Variants in GALNT17 observed in about 807,000 individuals in gnomAD.
The protein encoded by GALNT17 is polypeptide N-acetylgalactosaminyltransferase 17.
A neutral mutation model predicts 63.7 loss-of-function variants in GALNT17; 29 were observed. That is an observed-to-expected ratio of 0.46 (90% CI 0.34 to 0.62). GALNT17 has a LOEUF of 0.62. GALNT17 is among the 20% of genes least tolerant of loss of function. GALNT17 has a pLI of 0.01. For synonymous variants in GALNT17, 305 were observed against 318.3 expected, an observed-to-expected ratio of 0.96 and a Z score of 0.45; for missense variants, 603 against 799.6, an observed-to-expected ratio of 0.75 and a Z score of 2.97.
At chr7:71,299,198 C>T (rs1791145264) in intron 1 of GALNT17, among the ~76,000 whole-genome samples, 1 of 152,130 alleles carries the variant, frequency 6.6e-6, no homozygotes. Context: ...CAGCTGGTGG[C>T]CCGCCTTGAC....
chr7:71,152,566 C>T (rs975660635), intron 1 of GALNT17, among the ~76,000 whole-genome samples: 6 of 152,076 alleles, frequency 3.9e-5, no homozygotes, highest in South Asian at 4.2e-4. Context: ...TCCGCAGCCC[C>T]GGGGGATCCT....
At chr7:71,538,818 G>A (rs1026770029) in intron 5 of GALNT17, among the ~76,000 whole-genome samples, 1 of 151,954 alleles carries the variant, frequency 6.6e-6, no homozygotes, top group Non-Finnish European at 1.5e-5. Flanking sequence ...AAGGAGGGAA[G>A]GACGGACAGT....
rs1364871772 is a variant in GALNT17 at position 71,311,202 on chromosome 7, C to T, written c.239-24348C>T. ...GTTAACCCTACGTTTTCTCCCTTGG[C>T]GAGGTTGGGGATGAGGAAACACCTT... On this transcript the variant is annotated intron_variant, in intron 1 of 10. Coordinates refer to ENST00000333538, the MANE Select transcript of GALNT17 (RefSeq NM_022479.3). 3.9e-5 allele frequency among the ~76,000 whole-genome samples: 6 copies of T among 152,058 alleles called. No homozygotes were observed. The South Asian group carries it at 6.2e-4, about 16-fold the overall frequency.
intron 6 of GALNT17, among the ~76,000 whole-genome samples, chr7:71,575,127 A>G (rs1056836563): frequency 2.0e-5 from 3 of 152,190 alleles, no homozygotes; most frequent in African/African-American, 7.2e-5. Flanking sequence ...TTCTGAGACA[A>G]TACTACTTCT....
At chr7:71,149,952 C>T (rs577729028) in intron 1 of GALNT17, among the ~76,000 whole-genome samples, 6 of 152,232 alleles carry the variant, frequency 3.9e-5, no homozygotes, top group Middle Eastern at 3.4e-3. Context: ...CTTCACCTTC[C>T]AGCTGAGGTC....
At chr7:71,383,645 G>C (rs1237269924) in intron 2 of GALNT17, among the ~76,000 whole-genome samples, 5 of 152,110 alleles carry the variant, frequency 3.3e-5, no homozygotes, top group Non-Finnish European at 5.9e-5. Flanking sequence ...TGTTCCCCAA[G>C]CTGGTCTTGA....
chr7:71,603,239 C>T (rs1789993575), intron 6 of GALNT17, among the ~76,000 whole-genome samples: 1 of 151,834 alleles, frequency 6.6e-6, no homozygotes, highest in Non-Finnish European at 1.5e-5. Flanking sequence ...ACACTGGATA[C>T]TGTGCTAAGT....
chr7:71,611,953 G>A (rs555517314), intron 6 of GALNT17, among the ~76,000 whole-genome samples: 2 of 152,154 alleles, frequency 1.3e-5, no homozygotes, highest in South Asian at 4.1e-4. Context: ...AGATGAGCTT[G>A]GATGATCCAC....
intron 1 of GALNT17, among the ~76,000 whole-genome samples, chr7:71,175,906 A>G (rs1788628737): frequency 1.3e-5 from 2 of 152,130 alleles, no homozygotes; most frequent in African/African-American, 4.8e-5. Context: ...ATCTCAAAAA[A>G]AGAGACAATG....
At chr7:71,620,565 A>G (rs1455158643) in intron 6 of GALNT17, among the ~76,000 whole-genome samples, 1 of 152,240 alleles carries the variant, frequency 6.6e-6, no homozygotes, top group African/African-American at 2.4e-5. Context: ...TAATTTTTAA[A>G]TAAATTGGAA....
At chr7:71,371,478 GTTTA>G (rs1350468794) in intron 2 of GALNT17, among the ~76,000 whole-genome samples, 1 of 151,908 alleles carries the variant, frequency 6.6e-6, no homozygotes, top group Admixed American at 6.6e-5. Context: ...CATGTTTTTT[GTTTA>G]TTTATCTAAT....
chr7:71,204,228 C>T (rs1280186094), intron 1 of GALNT17, among the ~76,000 whole-genome samples: 1 of 152,078 alleles, frequency 6.6e-6, no homozygotes, highest in Non-Finnish European at 1.5e-5. Flanking sequence ...GTGTTTATTA[C>T]TGAGCTCTCT....
At chr7:71,186,707 C>T (rs959827355) in intron 1 of GALNT17, among the ~76,000 whole-genome samples, 1 of 152,206 alleles carries the variant, frequency 6.6e-6, no homozygotes, top group Non-Finnish European at 1.5e-5. Flanking sequence ...ACTTCCCTAA[C>T]AAAGGAGTTT....
At chr7:71,454,987 T>G (rs1405340410) in intron 5 of GALNT17, among the ~76,000 whole-genome samples, 2 of 151,892 alleles carry the variant, frequency 1.3e-5, no homozygotes, top group East Asian at 3.9e-4. Context: ...GGCAACATGG[T>G]GAAACCCCAT....
rs765951348 is a variant in GALNT17, at chr7:71,665,266, C to A, written c.1081-145C>A. The A allele has an allele frequency of 1.2e-5, 10 of 840,492 alleles. No individual in the cohort carries two copies. In the South Asian group the frequency reaches 1.6e-4, roughly 14 times the overall value. The allele number at this position is 840,492 out of a possible 1,614,324, so 52.1% of individuals were successfully genotyped here. On this transcript the variant is annotated intron_variant, in intron 6 of 10. Coordinates refer to ENST00000333538, the MANE Select transcript of GALNT17 (RefSeq NM_022479.3). The stretch of plus-strand genomic sequence containing the variant: ...TGCTGGGATTATAGGCATGAACCAC[C>A]GTGCACAACCTCTCATTGGCTTTAT...
At chr7:71,314,534 A>G (rs1473192291) in intron 1 of GALNT17, among the ~76,000 whole-genome samples, 1 of 152,186 alleles carries the variant, frequency 6.6e-6, no homozygotes, top group Non-Finnish European at 1.5e-5. Flanking sequence ...GAAACCAGAA[A>G]GTCTGGAAAG....
At chr7:71,164,374 A>G (rs1314290507) in intron 1 of GALNT17, among the ~76,000 whole-genome samples, 1 of 152,214 alleles carries the variant, frequency 6.6e-6, no homozygotes, top group Non-Finnish European at 1.5e-5. Context: ...TTTATCAGAC[A>G]ACCAGATCTT....
At chr7:71,174,352 A>G (rs1396662747) in intron 1 of GALNT17, among the ~76,000 whole-genome samples, 3 of 152,154 alleles carry the variant, frequency 2.0e-5, no homozygotes, top group African/African-American at 7.2e-5. Context: ...GTGAGATGTC[A>G]GGGGTCTGCA....
chr7:71,183,545 G>A lies in GALNT17; in HGVS notation c.238+50505G>A, dbSNP rs561725651. ...CAGATATTGCTCGCCAAGACCCTGA[G>A]GTCAGACGCCTTGGAGAATTCCCCA... On this transcript the variant is annotated intron_variant, in intron 1 of 10. Transcript: ENST00000333538. Among the ~76,000 whole-genome samples the A allele has an allele frequency of 2.0e-5, 3 of 152,230 alleles. No homozygotes were observed. In the South Asian group the frequency reaches 6.2e-4, roughly 32 times the overall value.
Sources: allele counts gnomAD v4.1 joint callset (sites outside exome capture counted in the v4.1 genomes callset), GRCh38; gene constraint gnomAD v4.1.1; transcripts MANE v1.5; gene names NCBI Gene and HGNC (gene_info 2026-07-23, HGNC 2026-07-21).